The following SYNE2 variants were observed in gnomAD, a reference collection of about 807,000 sequenced individuals.
SYNE2 encodes the protein nesprin-2.
Under a neutral mutation model 856.3 loss-of-function variants are expected in SYNE2, and 431 were observed. The ratio of observed to expected loss-of-function variants is 0.50; its 90% CI spans 0.47 to 0.55. SYNE2 has a LOEUF of 0.55. SYNE2 is among the 20% of genes least tolerant of loss of function. The pLI, the probability that SYNE2 is intolerant of heterozygous loss-of-function variation, is 0.00. For synonymous variants in SYNE2, 2,923 were observed against 2,872.3 expected (o/e 1.02, Z -0.56); for missense variants, 8,129 against 8,023.2 (o/e 1.01, Z -0.50).
intron 1 of SYNE2, among the ~76,000 whole-genome samples, chr14:63,888,091 T>C (rs1360792632): frequency 6.6e-6 from 1 of 152,164 alleles, no homozygotes; most frequent in African/African-American, 2.4e-5. Context: ...TTACACTTAT[T>C]TAGCTGGAAG....
At chr14:64,151,800 G>T (rs2098246737) in intron 84 of SYNE2, among the ~76,000 whole-genome samples, 1 of 152,194 alleles carries the variant, frequency 6.6e-6, no homozygotes, top group Non-Finnish European at 1.5e-5. Context: ...CAGTTTCTTT[G>T]TAATGAGCAT....
intron 49 of SYNE2, 30 bp downstream of exon 49, chr14:64,056,296 GA>G (rs1454970317): frequency 1.3e-6 from 2 of 1,567,614 alleles, no homozygotes; most frequent in Non-Finnish European, 1.8e-6. Context: ...TAATCTTTAA[GA>G]ACATAAAATA....
At chr14:64,020,185 C>A in intron 35 of SYNE2, 92 bp downstream of exon 35, 1 of 897,730 alleles carries the variant, frequency 1.1e-6, no homozygotes, top group South Asian at 1.4e-5. Flanking sequence ...AGAGCAAAAC[C>A]CTGTCTCTAA....
At chr14:64,155,364 A>G (rs1436066693) in intron 85 of SYNE2, among the ~76,000 whole-genome samples, 5 of 152,224 alleles carry the variant, frequency 3.3e-5, no homozygotes, top group African/African-American at 1.2e-4. Flanking sequence ...ACAAAAGGTC[A>G]CATATTGTTT....
chr14:63,995,759 A>ATCTG (rs748858366), intron 23 of SYNE2, among the ~76,000 whole-genome samples: 22 of 151,856 alleles, frequency 1.4e-4, no homozygotes, highest in Middle Eastern at 3.4e-3. Context: ...CTATCTATCT[A>ATCTG]TCTATCTAGA....
chr14:63,945,261 AAT>A (rs1003858906), intron 6 of SYNE2, among the ~76,000 whole-genome samples: 3 of 152,074 alleles, frequency 2.0e-5, no homozygotes, highest in Admixed American at 1.3e-4. Context: ...GCCAGATAAA[AAT>A]ATAGAACTTT....
chr14:64,033,384 A>G (rs2097057673), intron 45 of SYNE2, among the ~76,000 whole-genome samples: 1 of 152,204 alleles, frequency 6.6e-6, no homozygotes, highest in Non-Finnish European at 1.5e-5. Context: ...ATCTAAAAAT[A>G]AGAATTGTTT....
At chr14:64,151,272 G>A (rs999689113) in intron 84 of SYNE2, among the ~76,000 whole-genome samples, 1 of 151,822 alleles carries the variant, frequency 6.6e-6, no homozygotes, top group African/African-American at 2.4e-5. Flanking sequence ...CAGTTTTGCG[G>A]GACTGGATTT....
chr14:63,791,011 G>A (rs923593384), intron 1 of SYNE2, among the ~76,000 whole-genome samples: 3 of 151,896 alleles, frequency 2.0e-5, no homozygotes, highest in Non-Finnish European at 2.9e-5. Context: ...AGGCTGGAGT[G>A]CAATGGCATT....
At position 64,142,100 on chromosome 14, in the gene SYNE2, A is replaced by C; in HGVS notation, c.15306+12A>C. On this transcript the variant is annotated intron_variant, in intron 82 of 115. Coordinates refer to ENST00000555002, the MANE Select transcript of SYNE2 (RefSeq NM_182914.3). ...TTCAGAAGCACAAGGTAATTATGCA[A>C]AAGGAGCAGAAGTCTTTTCATTGAA... 6.2e-7 allele frequency: 1 copy of C among 1,614,000 alleles called. No individual in the cohort carries two copies. Among genetic ancestry groups the C allele is most frequent in the Admixed American group, 1.7e-5 (1 of 60,026 alleles).
intron 8 of SYNE2, among the ~76,000 whole-genome samples, chr14:63,959,287 CTTTTTTTTTTTTTTT>C (rs34198434): frequency 4.9e-5 from 4 of 81,382 alleles, no homozygotes; most frequent in Non-Finnish European, 9.3e-5. Context: ...TTTTCTTCTT[CTTTTTTTTTTTTTTT>C]TTTTTTTTTT....
chr14:63,785,633 A>G (rs1426508826), intron 1 of SYNE2, among the ~76,000 whole-genome samples: 1 of 152,174 alleles, frequency 6.6e-6, no homozygotes, highest in Non-Finnish European at 1.5e-5. Context: ...AAAAAGAACC[A>G]TGTGCGACAA....
At chr14:63,925,153 A>G (rs554457373) in intron 2 of SYNE2, among the ~76,000 whole-genome samples, 1 of 151,724 alleles carries the variant, frequency 6.6e-6, no homozygotes, top group East Asian at 2.0e-4. Context: ...AAATAGATAG[A>G]TAGATAGACA....
chr14:64,051,522 A>AATATTAAC, intron 47 of SYNE2, 35 bp from the exon 48 acceptor site: 1 of 1,570,742 alleles, frequency 6.4e-7, no homozygotes, highest in Middle Eastern at 1.8e-4. Flanking sequence ...ATAAGCATTA[A>AATATTAAC]ATATTAACAA....
At chr14:63,956,121 CAG>C (rs1241121623) in intron 8 of SYNE2, among the ~76,000 whole-genome samples, 5 of 152,196 alleles carry the variant, frequency 3.3e-5, no homozygotes, top group African/African-American at 1.2e-4. Context: ...TAGCAGTTAA[CAG>C]AACAACAGTC....
chr14:64,212,511 C>G (rs968805843), intron 104 of SYNE2, among the ~76,000 whole-genome samples: 6 of 152,212 alleles, frequency 3.9e-5, no homozygotes, highest in Admixed American at 2.0e-4. Flanking sequence ...CTGTTCCCAA[C>G]AAGTTTTGCC....
intron 30 of SYNE2, among the ~76,000 whole-genome samples, 183 bp from the exon 31 acceptor site, chr14:64,006,860 C>T (rs571920980): frequency 6.6e-6 from 1 of 152,058 alleles, no homozygotes; most frequent in East Asian, 1.9e-4. Flanking sequence ...CAAAACAAAA[C>T]AAAAATCAGA....
intron 38 of SYNE2, 147 bp from the exon 39 acceptor site, chr14:64,024,110 A>T (rs763374128): frequency 3.5e-5 from 24 of 693,220 alleles, no homozygotes; most frequent in Non-Finnish European, 1.8e-5. Context: ...GCCATTGGAG[A>T]TAGCCACATC....
intron 1 of SYNE2, among the ~76,000 whole-genome samples, chr14:63,800,185 A>G (rs142279530): frequency 1.4e-4 from 21 of 152,238 alleles, no homozygotes; most frequent in Admixed American, 1.2e-3. Flanking sequence ...ATGAAAGGCA[A>G]TTAGTCTCTG....
Sources: gnomAD v4.1 joint callset for allele counts (sites outside exome capture counted in the v4.1 genomes callset) on GRCh38, gnomAD v4.1.1 for gene constraint, MANE v1.5 for transcripts, NCBI Gene and HGNC (gene_info 2026-07-23, HGNC 2026-07-21) for gene names.